The following LINGO2 variants were observed in gnomAD, a reference collection of about 807,000 sequenced individuals.
The protein encoded by LINGO2 is leucine rich repeat and Ig domain containing 2.
LINGO2 carries 14 observed loss-of-function variants against 30.6 expected under a neutral mutation model. The observed-to-expected ratio is 0.46, with a 90% CI of 0.30 to 0.72. The LOEUF is 0.72. LINGO2 is among the 30% of genes least tolerant of loss of function. The pLI, the probability that LINGO2 is intolerant of heterozygous loss-of-function variation, is 0.07. For missense variants in LINGO2, 729 were observed against 751.7 expected, an observed-to-expected ratio of 0.97 and a Z score of 0.35; for synonymous variants, 317 against 288.5, an observed-to-expected ratio of 1.10 and a Z score of -1.00.
chr9:27,961,790 C>T (rs1393272084), intron 5 of LINGO2, among the ~76,000 whole-genome samples: 1 of 152,006 alleles, frequency 6.6e-6, no homozygotes, highest in African/African-American at 2.4e-5. Flanking sequence ...TGGGTGTAGG[C>T]TTGGGTAAAT....
chr9:28,450,986 ATAGTCT>A (rs1824627942), intron 2 of LINGO2, among the ~76,000 whole-genome samples: 1 of 151,962 alleles, frequency 6.6e-6, no homozygotes, highest in Admixed American at 6.6e-5. Flanking sequence ...TTGAATAGAA[ATAGTCT>A]TAATTTTTTT....
At chr9:28,310,239 C>T (rs771888861) in intron 3 of LINGO2, among the ~76,000 whole-genome samples, 2 of 152,136 alleles carry the variant, frequency 1.3e-5, no homozygotes, top group East Asian at 1.9e-4. Context: ...TGTCCACAGT[C>T]GTTCCTAGAA....
At chr9:28,604,719 A>C (rs1825629881) in intron 1 of LINGO2, among the ~76,000 whole-genome samples, 1 of 152,164 alleles carries the variant, frequency 6.6e-6, no homozygotes, top group South Asian at 2.1e-4. Context: ...AGCATTTCTA[A>C]AATCCTTGAA....
chr9:28,170,975 A>G (rs137937146), intron 4 of LINGO2, among the ~76,000 whole-genome samples: 355 of 152,358 alleles, frequency 2.3e-3, no homozygotes, highest in Non-Finnish European at 3.8e-3. Flanking sequence ...TTGTTGGGCC[A>G]TTATTCTGCC....
At chr9:28,328,711 G>T (rs1825315624) in intron 3 of LINGO2, among the ~76,000 whole-genome samples, 1 of 152,120 alleles carries the variant, frequency 6.6e-6, no homozygotes, top group Admixed American at 6.5e-5. Context: ...TCTTCATTAA[G>T]GGAGTAATGC....
chr9:28,164,537 C>A (rs1201855688), intron 4 of LINGO2, among the ~76,000 whole-genome samples: 1 of 152,114 alleles, frequency 6.6e-6, no homozygotes, highest in Non-Finnish European at 1.5e-5. Flanking sequence ...GGTTATCTGT[C>A]ACCAGAGCCC....
At chr9:28,511,130 T>G (rs1041236217) in intron 1 of LINGO2, among the ~76,000 whole-genome samples, 5 of 152,156 alleles carry the variant, frequency 3.3e-5, no homozygotes, top group Non-Finnish European at 7.3e-5. Context: ...ATCAATACTT[T>G]GTATCTTTCA....
chr9:28,966,866 C>T, the LINGO2 span, among the ~76,000 whole-genome samples: 2 of 151,918 alleles, frequency 1.3e-5, no homozygotes, highest in Admixed American at 6.6e-5. Context: ...TTTGCCTTTA[C>T]CGAGAGGTAG....
At chr9:28,306,450 G>T (rs1017027544) in intron 3 of LINGO2, among the ~76,000 whole-genome samples, 94 of 152,196 alleles carry the variant, frequency 6.2e-4, no homozygotes, top group African/African-American at 2.2e-3. Context: ...GAAATTTATA[G>T]CACTAAATGC....
the LINGO2 span, among the ~76,000 whole-genome samples, chr9:28,763,100 G>C: frequency 6.6e-6 from 1 of 151,942 alleles, no homozygotes; most frequent in Non-Finnish European, 1.5e-5. Flanking sequence ...GCCCCTCCGG[G>C]TATTTCAATG....
At chr9:28,799,346 T>TG in the LINGO2 span, among the ~76,000 whole-genome samples, 1 of 152,008 alleles carries the variant, frequency 6.6e-6, no homozygotes, top group Non-Finnish European at 1.5e-5. Flanking sequence ...AGAGAAGCAA[T>TG]GTCCATATCC....
chr9:28,772,989 A>G, the LINGO2 span, among the ~76,000 whole-genome samples: 7 of 152,124 alleles, frequency 4.6e-5, no homozygotes, highest in African/African-American at 1.7e-4. Flanking sequence ...TGAGAGATGG[A>G]GTGAGAAAAT....
chr9:28,665,891 CTTTT>C (rs35393752), intron 1 of LINGO2, among the ~76,000 whole-genome samples: 1 of 132,442 alleles, frequency 7.6e-6, no homozygotes. Flanking sequence ...TTTGGTGTTA[CTTTT>C]TTTTTTTTTT....
chr9:28,648,676 T>C (rs1178905783), intron 1 of LINGO2, among the ~76,000 whole-genome samples: 1 of 152,060 alleles, frequency 6.6e-6, no homozygotes, highest in Non-Finnish European at 1.5e-5. Flanking sequence ...CACAGTGGAG[T>C]AGAAAGATTT....
rs1447281311 is a variant in LINGO2, at chr9:28,148,054, T to G, written c.-86-135649A>C. On this transcript the variant is annotated intron_variant, in intron 4 of 5. Transcript: ENST00000379992. This position sits in a 1 kb window ranked among gnomAD's most constrained non-coding sequence, Gnocchi z 5.1. ...GGTCCTGGCCATGCCATTGGCAACC[T>G]GCTCGTCTTGTCCATGAGGCCTTCC... is the stretch of plus-strand genomic sequence containing the variant. Among the ~76,000 whole-genome samples the G allele has an allele frequency of 6.6e-6, 1 of 152,220 alleles. No individual in the cohort carries two copies. Among genetic ancestry groups the G allele is most frequent in the African/African-American group, 2.4e-5 (1 of 41,474 alleles).
intron 1 of LINGO2, among the ~76,000 whole-genome samples, chr9:28,490,712 T>G (rs1205579069): frequency 6.6e-6 from 1 of 152,210 alleles, no homozygotes; most frequent in Non-Finnish European, 1.5e-5. Flanking sequence ...TAATGGTTTT[T>G]GCAAGGGTAG....
the LINGO2 span, among the ~76,000 whole-genome samples, chr9:28,850,064 T>C: frequency 2.0e-5 from 3 of 152,034 alleles, no homozygotes; most frequent in Non-Finnish European, 4.4e-5. Context: ...TCTACGGTTT[T>C]CTTTTCAAAC....
the LINGO2 span, among the ~76,000 whole-genome samples, chr9:28,744,213 T>C: frequency 2.0e-5 from 3 of 151,996 alleles, no homozygotes; most frequent in African/African-American, 7.3e-5. Flanking sequence ...TTTGCTGATA[T>C]TCTCTATTTG....
At chr9:28,810,827 A>G in the LINGO2 span, among the ~76,000 whole-genome samples, 1 of 151,998 alleles carries the variant, frequency 6.6e-6, no homozygotes, top group East Asian at 1.9e-4. Flanking sequence ...GTATTCTTCA[A>G]TCTTACTGAA....
Sources: allele counts gnomAD v4.1 joint callset (sites outside exome capture counted in the v4.1 genomes callset), GRCh38; gene constraint gnomAD v4.1.1; non-coding constraint Gnocchi (gnomAD v3.1); transcripts MANE v1.5; gene names NCBI Gene and HGNC (gene_info 2026-07-23, HGNC 2026-07-21).